PLD5: variants seen among roughly 807,000 people sequenced by gnomAD.
The protein encoded by PLD5 is phospholipase D family member 5, also known as inactive phospholipase D5.
PLD5 carries 36 observed loss-of-function variants against 61.1 expected under a neutral mutation model. That is an observed-to-expected ratio of 0.59 (90% confidence interval 0.45 to 0.78). The LOEUF is 0.78. Ranked by LOEUF, PLD5 falls within the 30% of genes least tolerant of loss-of-function variation. The pLI, the probability that PLD5 is intolerant of heterozygous loss-of-function variation, is 0.00. For missense variants in PLD5, 515 were observed against 644.4 expected (o/e 0.80, Z 2.17); for synonymous variants, 243 against 242.8 (o/e 1.00, Z -0.01).
intron 5 of PLD5, among the ~76,000 whole-genome samples, chr1:242,131,990 C>T (rs1365232028): frequency 6.6e-6 from 1 of 150,992 alleles, no homozygotes; most frequent in Admixed American, 6.8e-5. Flanking sequence ...CGCCACTATG[C>T]CTGGCTAATT....
rs868357114 is a variant in PLD5 at position 242,481,780 on chromosome 1, C to A, written c.189+42308G>T. Reference sequence around the variant, plus strand: ...TGCCTCCTCAAGTGGGTCCCTGACCCCTGAGTAGCCTAACTGAGAGGCACC... The same window carrying A: ...TGCCTCCTCAAGTGGGTCCCTGACCACTGAGTAGCCTAACTGAGAGGCACC... On this transcript the variant is annotated intron_variant, in intron 1 of 9. Transcript: ENST00000536534. Among the ~76,000 whole-genome samples the A allele has an allele frequency of 4.1e-4, 62 of 152,306 alleles. No individual in the cohort carries two copies. The Middle Eastern group carries it at 0.017, about 42-fold the overall frequency.
At chr1:242,154,300 T>G (rs959239987) in intron 5 of PLD5, among the ~76,000 whole-genome samples, 1 of 152,170 alleles carries the variant, frequency 6.6e-6, no homozygotes, top group Admixed American at 6.5e-5. Flanking sequence ...ACAGAGACAA[T>G]TGGACTTCCT....
chr1:242,114,002 T>C lies in PLD5; in HGVS notation c.958A>G (p.Lys320Glu). 6.2e-7 allele frequency: 1 copy of C among 1,613,788 alleles called. No homozygotes were observed. The highest frequency in any genetic ancestry group is 8.5e-7 in the Non-Finnish European group (1 of 1,179,824). ...VSNSPKLFCP[K>E]NRSFDIDAIY... ...GCATCTATGTCAAAACTTCTGTTTT[T>C]AGGGCAAAAGAGTTTTGGAGAATTC... is the stretch of plus-strand genomic sequence containing the variant. Residue 320 changes from lysine (K) to glutamate (E), a missense_variant, in exon 7 of 10, where the codon AAA (lysine) becomes GAA (glutamate). This residue lies in a region of PLD5 where 450 missense variants were observed against 598.1 expected (regional missense o/e 0.75). Transcript: ENST00000536534.
At chr1:242,109,482 C>A (rs1278605640) in intron 7 of PLD5, among the ~76,000 whole-genome samples, 2 of 151,870 alleles carry the variant, frequency 1.3e-5, no homozygotes, top group African/African-American at 4.8e-5. Flanking sequence ...CATCTCAAAA[C>A]AAAACAAAAA....
chr1:242,142,308 A>G (rs2009921), intron 5 of PLD5, among the ~76,000 whole-genome samples: 1 of 152,060 alleles, frequency 6.6e-6, no homozygotes, highest in Non-Finnish European at 1.5e-5. Flanking sequence ...AGGATGGTTA[A>G]GAGGTGACTT....
At chr1:242,135,648 G>A (rs1308420452) in intron 5 of PLD5, among the ~76,000 whole-genome samples, 6 of 151,904 alleles carry the variant, frequency 3.9e-5, no homozygotes, top group Non-Finnish European at 5.9e-5. Flanking sequence ...GTAATAGGAT[G>A]GGCCATTGGC....
intron 3 of PLD5, among the ~76,000 whole-genome samples, chr1:242,268,477 G>T (rs1374121653): frequency 6.6e-6 from 1 of 152,016 alleles, no homozygotes; most frequent in African/African-American, 2.4e-5. Context: ...ATTTTTGTGG[G>T]ACTTAAAGAC....
chr1:242,342,573 A>G (rs1382077668), intron 2 of PLD5, among the ~76,000 whole-genome samples: 1 of 152,206 alleles, frequency 6.6e-6, no homozygotes, highest in Non-Finnish European at 1.5e-5. Context: ...AACTTTCCTT[A>G]CCTGTCAGTG....
At chr1:242,263,211 T>C (rs1453678881) in intron 4 of PLD5, among the ~76,000 whole-genome samples, 1 of 152,040 alleles carries the variant, frequency 6.6e-6, no homozygotes, top group Non-Finnish European at 1.5e-5. Context: ...CTACTTTTAT[T>C]CTTTTTCACA....
intron 5 of PLD5, among the ~76,000 whole-genome samples, chr1:242,219,089 T>C (rs540845070): frequency 7.2e-5 from 11 of 152,356 alleles, no homozygotes; most frequent in African/African-American, 2.6e-4. Context: ...TTGGAAAATG[T>C]ATAATTCTTC....
chr1:242,207,336 C>T (rs959937410), intron 5 of PLD5, among the ~76,000 whole-genome samples: 1 of 152,158 alleles, frequency 6.6e-6, no homozygotes, highest in Admixed American at 6.5e-5. Context: ...CTTTCTCTAG[C>T]TTTGTTCCAG....
chr1:242,435,333 G>A (rs980090203), intron 1 of PLD5, among the ~76,000 whole-genome samples: 6 of 149,208 alleles, frequency 4.0e-5, no homozygotes, highest in African/African-American at 7.8e-5. Flanking sequence ...CTGCTCTCTC[G>A]TTTCAGCTTG....
At chr1:242,135,968 C>T (rs2148773299) in intron 5 of PLD5, among the ~76,000 whole-genome samples, 1 of 152,108 alleles carries the variant, frequency 6.6e-6, no homozygotes, top group South Asian at 2.1e-4. Context: ...GGCTCTCCTT[C>T]TTTAGAGCAG....
At chr1:242,117,550 T>A (rs544862007) in intron 6 of PLD5, among the ~76,000 whole-genome samples, 48 of 152,172 alleles carry the variant, frequency 3.2e-4, no homozygotes, top group Non-Finnish European at 5.6e-4. Flanking sequence ...CCTGGCTAAT[T>A]TTTGTATTTT....
chr1:242,408,420 ATGT>A (rs1402191557), intron 1 of PLD5, among the ~76,000 whole-genome samples: 1 of 152,124 alleles, frequency 6.6e-6, no homozygotes, highest in East Asian at 1.9e-4. Context: ...CTGGTGGGAG[ATGT>A]TTGCATCATG....
intron 2 of PLD5, among the ~76,000 whole-genome samples, chr1:242,324,848 A>T (rs1658647489): frequency 1.3e-5 from 2 of 152,046 alleles, no homozygotes; most frequent in Admixed American, 6.5e-5. Flanking sequence ...ACCACCCAGG[A>T]ACTGACTCAG....
intron 5 of PLD5, among the ~76,000 whole-genome samples, chr1:242,171,171 T>A (rs111815172): frequency 1.9e-3 from 294 of 152,312 alleles, no homozygotes; most frequent in Middle Eastern, 3.4e-3. Context: ...GGGAAGCTCA[T>A]CAGACTAACA....
intron 1 of PLD5, among the ~76,000 whole-genome samples, chr1:242,455,376 A>T (rs1159004259): frequency 6.6e-6 from 1 of 152,132 alleles, no homozygotes; most frequent in Non-Finnish European, 1.5e-5. Context: ...CTACGCCCCA[A>T]TTTTTTTGAC....
In PLD5 at chr1:242,256,871, C is replaced by CTTTCT. The variant is rs71176733; in HGVS notation, c.607+8461_607+8465dup. ...TATCTGCCATCTATCTTCCTATCTTCTTTCTTTTCTCTCCCTCTTCTTTCT... is the reference window on the plus strand; with the variant it reads ...TATCTGCCATCTATCTTCCTATCTTCTTTCTTTTCTTTTCTCTCCCTCTTCTTTCT... On this transcript the variant is annotated intron_variant, in intron 4 of 9. Transcript: ENST00000536534. This position sits in a 1 kb window ranked among gnomAD's most constrained non-coding sequence, Gnocchi z 5.7. Among the ~76,000 whole-genome samples, 37,259 of 150,068 alleles carry CTTTCT rather than the reference C, an allele frequency of 0.25. 5,119 individuals are homozygous for CTTTCT. Among genetic ancestry groups the CTTTCT allele is most frequent in the Non-Finnish European group, 0.31 (20,599 of 67,424 alleles).
Sources: gnomAD v4.1 joint callset for allele counts (sites outside exome capture counted in the v4.1 genomes callset) on GRCh38, gnomAD v4.1.1 for gene constraint, gnomAD v4.1.1 regional missense constraint, Gnocchi (gnomAD v3.1) non-coding constraint, MANE v1.5 for transcripts, NCBI Gene and HGNC (gene_info 2026-07-23, HGNC 2026-07-21) for gene names.